Variants in GET1 observed in about 807,000 individuals in gnomAD.
The protein encoded by GET1 is congenital heart disease 5 protein.
Under a neutral mutation model 22.6 loss-of-function variants are expected in GET1, and 20 were observed. The ratio of observed to expected loss-of-function variants is 0.89; its 90% CI spans 0.62 to 1.29. The LOEUF (loss-of-function observed/expected upper bound fraction) is 1.29, where lower values mean the gene tolerates loss of function less well. GET1 is among the 50% of genes most tolerant of loss of function. The pLI is 0.00. For synonymous variants in GET1, 92 were observed against 83.8 expected (o/e 1.10, Z -0.53); for missense variants, 209 against 219.9 (o/e 0.95, Z 0.31).
At chr21:39,391,705 G>A in intron 2 of GET1, 64 bp from the exon 3 acceptor site, 1 of 1,437,636 alleles carries the variant, frequency 7.0e-7, no homozygotes, top group Non-Finnish European at 9.8e-7. Flanking sequence ...ACATTTCTGT[G>A]TATTTGAATA....
chr21:39,418,209 T>C (rs968382933), intron 1 of GET1, among the ~76,000 whole-genome samples: 16 of 152,148 alleles, frequency 1.1e-4, no homozygotes, highest in African/African-American at 3.9e-4. Flanking sequence ...GGAGCTACAA[T>C]TCAAGATGAG....
chr21:39,385,264 T>C (rs1650935755), intron 1 of GET1, among the ~76,000 whole-genome samples: 1 of 152,146 alleles, frequency 6.6e-6, no homozygotes, highest in Non-Finnish European at 1.5e-5. Context: ...AGCACCCCGA[T>C]CTCAGCACTC....
intron 1 of GET1, among the ~76,000 whole-genome samples, chr21:39,413,082 C>T (rs969330261): frequency 1.3e-5 from 2 of 152,158 alleles, no homozygotes; most frequent in African/African-American, 2.4e-5. Flanking sequence ...TTTATTTGAC[C>T]AGACTGAGAA....
intron 4 of GET1, among the ~76,000 whole-genome samples, chr21:39,394,428 C>T (rs2038507527): frequency 6.6e-6 from 1 of 152,150 alleles, no homozygotes; most frequent in South Asian, 2.1e-4. Flanking sequence ...TAGTTAAGGT[C>T]ACCTGGCACA....
intron 1 of GET1, among the ~76,000 whole-genome samples, chr21:39,426,646 A>G (rs1267505138): frequency 6.6e-6 from 1 of 152,232 alleles, no homozygotes; most frequent in East Asian, 1.9e-4. Flanking sequence ...TCTGCTTCAT[A>G]TTAGTTCAAA....
intron 1 of GET1, among the ~76,000 whole-genome samples, chr21:39,390,301 A>G (rs1186046825): frequency 6.6e-6 from 1 of 152,216 alleles, no homozygotes; most frequent in East Asian, 1.9e-4. Context: ...ACTAAACGCC[A>G]GGGTGATAAG....
downstream of GET1, among the ~76,000 whole-genome samples, chr21:39,400,520 C>T (rs1284001766): frequency 2.0e-5 from 3 of 152,162 alleles, no homozygotes; most frequent in Non-Finnish European, 2.9e-5. Flanking sequence ...TGTATGGAGT[C>T]TGTTTTCTTT....
chr21:39,397,406 A>G lies in GET1; in HGVS notation c.*467A>G, dbSNP rs1601645064. 1 of 158,590 alleles carries G rather than the reference A, an allele frequency of 6.3e-6. No individual in the cohort carries two copies. Among genetic ancestry groups the G allele is most frequent in the East Asian group, 1.9e-4 (1 of 5,342 alleles). 9.8% of individuals were successfully genotyped at this position (158,590 alleles called of 1,614,324 possible). ...AATTTCTTCTTTAATCACATTCAAT[A>G]TGGTTAAAAGAACAACACTAATTGA... is the stretch of plus-strand genomic sequence containing the variant. On this transcript the variant is annotated 3_prime_UTR_variant, in exon 5 of 5. Transcript: ENST00000649170.
At chr21:39,381,724 C>G (rs1455790950) in intron 1 of GET1, among the ~76,000 whole-genome samples, 1 of 152,126 alleles carries the variant, frequency 6.6e-6, no homozygotes, top group Non-Finnish European at 1.5e-5. Context: ...TAAGTACATT[C>G]ACATTTTTGT....
chr21:39,387,277 C>T (rs966393916), intron 1 of GET1, among the ~76,000 whole-genome samples: 1 of 152,156 alleles, frequency 6.6e-6, no homozygotes, highest in South Asian at 2.1e-4. Context: ...CCTTCACTCA[C>T]CTCCCATTCC....
intron 1 of GET1, chr21:39,427,617 G>A (rs1226750255): frequency 2.7e-5 from 4 of 150,212 alleles, no homozygotes; most frequent in South Asian, 2.1e-4. Flanking sequence ...AGCCGAGATG[G>A]CGCCACTGCA....
chr21:39,388,219 TTAGTCGAGTG>T (rs1056593517), intron 1 of GET1, among the ~76,000 whole-genome samples: 8 of 151,910 alleles, frequency 5.3e-5, no homozygotes, highest in South Asian at 2.1e-4. Flanking sequence ...TAAAAAAAAA[TTAGTCGAGTG>T]TGGTGGTGCA....
chr21:39,387,996 C>A, intron 1 of GET1: 1 of 372,696 alleles, frequency 2.7e-6, no homozygotes, highest in Non-Finnish European at 3.7e-6. Flanking sequence ...TATATACAGT[C>A]AATACCGATA....
At chr21:39,392,794 TCAGTGAGAAAAGCACA>T (rs1183601061) in intron 3 of GET1, 1 of 201,718 alleles carries the variant, frequency 5.0e-6, no homozygotes, top group African/African-American at 2.3e-5. Context: ...AACGAGATAC[TCAGTGAGAAAAGCACA>T]CCCGTGTTAT....
chr21:39,391,535 T>C (rs1026549825), intron 2 of GET1: 10 of 469,316 alleles, frequency 2.1e-5, no homozygotes, highest in Non-Finnish European at 3.4e-5. Context: ...TTTAAGAGTT[T>C]TCAAAATTAA....
In GET1 at chr21:39,387,537, G is replaced by C. The variant is rs887549250; in HGVS notation, c.103-3161G>C. On this transcript the variant is annotated intron_variant, in intron 1 of 4. Transcript: ENST00000649170. ...ATCAGGCTGGAGTATAGCTCCTTCG[G>C]TTATAGTGCTGGGTAGTGGCCAGGG... Among the ~76,000 whole-genome samples, 5 of 152,118 alleles carry C rather than the reference G, an allele frequency of 3.3e-5. 1 individual carries two copies. In the South Asian group the frequency reaches 1.0e-3, roughly 32 times the overall value.
chr21:39,401,782 CTCA>C (rs1348404876), downstream of GET1, among the ~76,000 whole-genome samples: 2 of 152,140 alleles, frequency 1.3e-5, no homozygotes, highest in African/African-American at 4.8e-5. Flanking sequence ...CTCATAACAT[CTCA>C]TATTTTTTCG....
At chr21:39,390,994 G>T (rs1432287587) in intron 2 of GET1, 131 bp downstream of exon 2, 4 of 1,025,576 alleles carry the variant, frequency 3.9e-6, no homozygotes, top group Non-Finnish European at 5.6e-6. Flanking sequence ...AAGTTATCTG[G>T]AGGAAACTCA....
downstream of GET1, among the ~76,000 whole-genome samples, chr21:39,407,559 T>C (rs767315506): frequency 1.3e-5 from 2 of 152,182 alleles, no homozygotes; most frequent in South Asian, 4.1e-4. Flanking sequence ...GCCAAAGGAA[T>C]AATGGTTAAA....
Sources: gnomAD v4.1 joint callset for allele counts (sites outside exome capture counted in the v4.1 genomes callset) on GRCh38, gnomAD v4.1.1 for gene constraint, MANE v1.5 for transcripts, NCBI Gene and HGNC (gene_info 2026-07-23, HGNC 2026-07-21) for gene names.